Variants in ZNF264 observed in about 807,000 individuals in gnomAD.
ZNF264 encodes zinc finger protein 264.
Under a neutral mutation model 11.2 loss-of-function variants are expected in ZNF264, and 11 were observed. The ratio of observed to expected loss-of-function variants is 0.98; its 90% confidence interval spans 0.62 to 1.63. The LOEUF is 1.63. Among genes scored for constraint, ZNF264 ranks in the 40% most tolerant of loss-of-function variants. The pLI, the probability that ZNF264 is intolerant of heterozygous loss-of-function variation, is 0.00. For synonymous variants in ZNF264, 309 were observed against 279.8 expected (o/e 1.10, Z -1.04); for missense variants, 752 against 768.1 (o/e 0.98, Z 0.25).
Position 57,211,367 on chromosome 19 carries a change from A to G in ZNF264, c.270A>G (p.Lys90=). 6.2e-7 allele frequency: 1 copy of G among 1,603,236 alleles called. No homozygotes were observed. Among genetic ancestry groups the G allele is most frequent in the Non-Finnish European group, 8.5e-7 (1 of 1,173,754 alleles). Residue 90 remains lysine (K), a synonymous_variant, in exon 4 of 4, where the codon AAA becomes AAG. Coordinates refer to ENST00000263095, the MANE Select transcript of ZNF264 (RefSeq NM_003417.5). ...SQDTCPGDKG[K]PKTTEPTTCE... ...GATTTCTTTCAGGCGACAAAGGAAA[A>G]CCTAAGACCACAGAACCTACCACTT...
intron 2 of ZNF264, among the ~76,000 whole-genome samples, chr19:57,195,542 G>GTATGGGAACA (rs1568471757): frequency 1.3e-5 from 2 of 152,016 alleles, no homozygotes; most frequent in African/African-American, 4.8e-5. Context: ...CATTCCTGAA[G>GTATGGGAACA]GGTCTGGGCC....
In ZNF264 at chr19:57,212,299, G is replaced by T; in HGVS notation, c.1202G>T (p.Cys401Phe). The T allele has an allele frequency of 6.2e-7, 1 of 1,613,958 alleles. No homozygotes were observed. Among genetic ancestry groups the T allele is most frequent in the Non-Finnish European group, 8.5e-7 (1 of 1,179,990 alleles). Reference protein sequence around the residue: ...VIHTGEKPFECLECGKAFNHR... With the variant: ...VIHTGEKPFEFLECGKAFNHR... ...CACACTGGAGAGAAGCCCTTTGAGT[G>T]CCTCGAGTGTGGGAAGGCTTTCAAC... Residue 401 changes from cysteine to phenylalanine, a missense_variant, in exon 4 of 4, where the codon TGC (cysteine) becomes TTC (phenylalanine). Coordinates refer to ENST00000263095, the MANE Select transcript of ZNF264 (RefSeq NM_003417.5).
At chr19:57,202,596 A>G (rs1287179711) in intron 2 of ZNF264, among the ~76,000 whole-genome samples, 1 of 151,780 alleles carries the variant, frequency 6.6e-6, no homozygotes, top group Non-Finnish European at 1.5e-5. Flanking sequence ...AGGAATGTTG[A>G]TGTTTTGAAG....
intron 3 of ZNF264, among the ~76,000 whole-genome samples, chr19:57,206,386 G>A (rs2087292632): frequency 1.3e-5 from 2 of 151,898 alleles, no homozygotes; most frequent in African/African-American, 4.8e-5. Context: ...TGGGACTACA[G>A]GCGCCCGCCA....
intron 2 of ZNF264, chr19:57,194,740 C>T (rs2087200058): frequency 2.5e-6 from 1 of 399,586 alleles, no homozygotes; most frequent in African/African-American, 2.1e-5. Context: ...TCCCAGCCCA[C>T]TGACTCAAAT....
At chr19:57,206,310 C>G (rs1436311082) in intron 3 of ZNF264, among the ~76,000 whole-genome samples, 2 of 152,116 alleles carry the variant, frequency 1.3e-5, no homozygotes, top group African/African-American at 4.8e-5. Flanking sequence ...GTGGCACAGT[C>G]TCGGCTCACT....
rs1357629755 is a variant in ZNF264 at position 57,219,518 on chromosome 19, C to T, written c.*6537C>T. 2 of 152,310 alleles carry T rather than the reference C, an allele frequency of 1.3e-5. No individual in the cohort carries two copies. The highest frequency in any genetic ancestry group is 2.9e-5 in the Non-Finnish European group (2 of 68,120). The allele number at this position is 152,310 out of a possible 1,614,324, so 9.4% of individuals were successfully genotyped here. A position where few individuals can be genotyped will look rare whatever the true frequency, so the allele number is the denominator to read the frequency against. On this transcript the variant is annotated 3_prime_UTR_variant, in exon 4 of 4. Coordinates refer to ENST00000263095, the MANE Select transcript of ZNF264 (RefSeq NM_003417.5). ...CTCATTTCCCTCACTCCACGGACAG[C>T]TACAGGAGGGCTTCCATCATTTGTC...
chr19:57,206,702 G>A (rs2087295714), intron 3 of ZNF264, among the ~76,000 whole-genome samples: 1 of 151,858 alleles, frequency 6.6e-6, no homozygotes, highest in Non-Finnish European at 1.5e-5. Context: ...TAGGGAATAG[G>A]GCCTTTCTTA....
In ZNF264 at chr19:57,212,941, AAC is replaced by A; in HGVS notation, c.1845_1846del (p.Gln615HisfsTer30). ...GAAACATCTTCCTCTGCATCTGATC[AAC>A]CATACCAAAGAGAAACCCCACAAGT... is the stretch of plus-strand genomic sequence containing the variant. On this transcript the variant is annotated frameshift_variant, in exon 4 of 4. Coordinates refer to ENST00000263095, the MANE Select transcript of ZNF264 (RefSeq NM_003417.5). LOFTEE classifies it low-confidence loss of function (END_TRUNC). The A allele has an allele frequency of 6.2e-6, 10 of 1,613,280 alleles. No individual in the cohort carries two copies. Among genetic ancestry groups the A allele is most frequent in the Non-Finnish European group, 7.6e-6 (9 of 1,179,300 alleles).
At chr19:57,193,188 A>G (rs918262293) in intron 1 of ZNF264, among the ~76,000 whole-genome samples, 3 of 152,182 alleles carry the variant, frequency 2.0e-5, no homozygotes, top group African/African-American at 2.4e-5. Flanking sequence ...TTTAGATCCT[A>G]TCTATGGTGG....
chr19:57,201,561 T>C (rs73062828), intron 2 of ZNF264, among the ~76,000 whole-genome samples: 78,380 of 151,674 alleles, frequency 0.52, 21,024 homozygotes, highest in Middle Eastern at 0.65. Context: ...GCCTCAGCCT[T>C]GTATATTACC....
Position 57,197,102 on chromosome 19 carries a change from G to T in ZNF264, c.160+3101G>T, listed in dbSNP as rs991383146. The stretch of plus-strand genomic sequence containing the variant: ...CTAGTCTTCTCTTCCTCCGTCAACC[G>T]ATCATAGGGAACTTCCCATGAGGCC... On this transcript the variant is annotated intron_variant, in intron 2 of 3. Coordinates refer to ENST00000263095, the MANE Select transcript of ZNF264 (RefSeq NM_003417.5). 9.9e-5 allele frequency among the ~76,000 whole-genome samples: 15 copies of T among 151,886 alleles called. 1 individual carries two copies. The highest frequency in any genetic ancestry group is 3.4e-4 in the African/African-American group (14 of 41,158).
rs2087421377 is a variant in ZNF264, at chr19:57,222,080, G to T, written c.*9099G>T. The T allele has an allele frequency of 6.6e-6, 1 of 152,136 alleles. No individual in the cohort carries two copies. Among genetic ancestry groups the T allele is most frequent in the Admixed American group, 6.5e-5 (1 of 15,270 alleles). The allele number at this position is 152,136 out of a possible 1,614,324, so 9.4% of individuals were successfully genotyped here. On this transcript the variant is annotated 3_prime_UTR_variant, in exon 4 of 4. Coordinates refer to ENST00000263095, the MANE Select transcript of ZNF264 (RefSeq NM_003417.5). ...GTAATGATTGTAATAAATTCAGGTG[G>T]CTCACGCCTGTGATACCAGCACTTT...
intron 3 of ZNF264, among the ~76,000 whole-genome samples, chr19:57,210,567 G>A (rs2087327014): frequency 6.6e-6 from 1 of 152,194 alleles, no homozygotes; most frequent in Non-Finnish European, 1.5e-5. Context: ...AGCTTAGAAT[G>A]TTGCCAACCC....
chr19:57,219,728 T>C lies in ZNF264; in HGVS notation c.*6747T>C, dbSNP rs1238680641. The C allele has an allele frequency of 2.0e-5, 3 of 152,270 alleles. No homozygotes were observed. Among genetic ancestry groups the C allele is most frequent in the Non-Finnish European group, 4.4e-5 (3 of 68,048 alleles). 9.4% of individuals were successfully genotyped at this position (152,270 alleles called of 1,614,324 possible). On this transcript the variant is annotated 3_prime_UTR_variant, in exon 4 of 4. Coordinates refer to ENST00000263095, the MANE Select transcript of ZNF264 (RefSeq NM_003417.5). ...GCTTTTTCACTTGCCATGAGCTCTG[T>C]GAATGAGATGGTTCCTGCTGAAGAC...
Position 57,214,748 on chromosome 19 carries a change from C to T in ZNF264, c.*1767C>T, listed in dbSNP as rs922997565. On this transcript the variant is annotated 3_prime_UTR_variant, in exon 4 of 4. Transcript: ENST00000263095. ...TTCCTCTGTTCCCAGTTTTCTGAGA[C>T]TCTGTGTTGCTATGAATAAGTGTGG... The T allele has an allele frequency of 6.6e-6, 1 of 152,194 alleles. No homozygotes were observed. Among genetic ancestry groups the T allele is most frequent in the African/African-American group, 2.4e-5 (1 of 41,448 alleles). 9.4% of individuals were successfully genotyped at this position (152,194 alleles called of 1,614,324 possible). A position where few individuals can be genotyped will look rare whatever the true frequency, so the allele number is the denominator to read the frequency against.
rs964305712 is a variant in ZNF264, at chr19:57,219,245, G to C, written c.*6264G>C. On this transcript the variant is annotated 3_prime_UTR_variant, in exon 4 of 4. Transcript: ENST00000263095. ...TCTTCCAGGATCACTCTTGCCTTTTGTTATTGGACACATTTTCCTACCTCC... is the reference window on the plus strand; with the variant it reads ...TCTTCCAGGATCACTCTTGCCTTTTCTTATTGGACACATTTTCCTACCTCC... The C allele has an allele frequency of 3.3e-5, 5 of 152,014 alleles. No homozygotes were observed. The highest frequency in any genetic ancestry group is 5.9e-5 in the Non-Finnish European group (4 of 68,040). 9.4% of individuals were successfully genotyped at this position (152,014 alleles called of 1,614,324 possible).
chr19:57,216,894 A>G lies in ZNF264; in HGVS notation c.*3913A>G, dbSNP rs2087384025. 1 of 149,920 alleles carries G rather than the reference A, an allele frequency of 6.7e-6. No individual in the cohort carries two copies. The highest frequency in any genetic ancestry group is 6.7e-5 in the Admixed American group (1 of 15,002). 9.3% of individuals were successfully genotyped at this position (149,920 alleles called of 1,614,324 possible). ...TTTTTTTAATAATTTGATTTGATAC[A>G]TATGTAGTGTTTTTTAGTATAGATC... On this transcript the variant is annotated 3_prime_UTR_variant, in exon 4 of 4. Coordinates refer to ENST00000263095, the MANE Select transcript of ZNF264 (RefSeq NM_003417.5).
In ZNF264 at chr19:57,211,858, C is replaced by A; in HGVS notation, c.761C>A (p.Thr254Asn). ...CTCCTGCAACATCACATGATCCACACTGGGGAGAGGCCCTATGAGTGCATG... is the reference window on the plus strand; with the variant it reads ...CTCCTGCAACATCACATGATCCACAATGGGGAGAGGCCCTATGAGTGCATG... ...THLLQHHMIHTGERPYECMEC... is the reference protein window; with the variant it reads ...THLLQHHMIHNGERPYECMEC... Residue 254 changes from threonine to asparagine, a missense_variant, in exon 4 of 4, where the codon ACT becomes AAT. By Grantham distance (65) the Thr-to-Asn change is moderately conservative. Coordinates refer to ENST00000263095, the MANE Select transcript of ZNF264 (RefSeq NM_003417.5). 1 of 1,614,222 alleles carries A rather than the reference C, an allele frequency of 6.2e-7. No homozygotes were observed. The highest frequency in any genetic ancestry group is 8.5e-7 in the Non-Finnish European group (1 of 1,180,032).
Sources: gnomAD v4.1 joint callset for allele counts (sites outside exome capture counted in the v4.1 genomes callset) on GRCh38, gnomAD v4.1.1 for gene constraint, MANE v1.5 for transcripts, NCBI Gene and HGNC (gene_info 2026-07-23, HGNC 2026-07-21) for gene names.